The following PGBD2 variants were observed in gnomAD, a reference collection of about 807,000 sequenced individuals.
PGBD2 encodes piggyBac transposable element-derived protein 2.
Under a neutral mutation model 8.1 loss-of-function variants are expected in PGBD2, and 6 were observed. That is an observed-to-expected ratio of 0.74 (90% CI 0.40 to 1.46). PGBD2 has a LOEUF of 1.46. Among genes scored for constraint, PGBD2 ranks in the 40% most tolerant of loss-of-function variants. The pLI is 0.02. For missense variants in PGBD2, 802 were observed against 739.0 expected (o/e 1.09, Z -0.99); for synonymous variants, 318 against 272.2 (o/e 1.17, Z -1.66).
chr1:248,883,464 G>A, the PGBD2 span, among the ~76,000 whole-genome samples: 2 of 151,144 alleles, frequency 1.3e-5, no homozygotes, highest in Non-Finnish European at 2.9e-5. Context: ...TTTGCTTGAT[G>A]ATTTGTTTCA....
At chr1:248,914,364 C>T in intron 2 of PGBD2, 1 of 976,802 alleles carries the variant, frequency 1.0e-6, no homozygotes, top group Non-Finnish European at 1.2e-6. Flanking sequence ...TGCTGTACCC[C>T]TTACTCCAAG....
upstream of PGBD2, chr1:248,906,219 CG>C (rs910060651): frequency 3.3e-5 from 5 of 151,862 alleles, no homozygotes; most frequent in Non-Finnish European, 7.4e-5. Context: ...CGAGGTGCAG[CG>C]AGCCCTCTGG....
At chr1:248,879,551 C>T in the PGBD2 span, among the ~76,000 whole-genome samples, 13 of 152,026 alleles carry the variant, frequency 8.6e-5, no homozygotes, top group African/African-American at 2.4e-4. Flanking sequence ...TGTGCCACTA[C>T]GTATGGCTAA....
At chr1:248,924,939 G>A (rs1662353914), downstream of PGBD2, among the ~76,000 whole-genome samples, 1 of 152,118 alleles carries the variant, frequency 6.6e-6, no homozygotes, top group Non-Finnish European at 1.5e-5. Flanking sequence ...GGGAGCAAAT[G>A]TGACTATAAA....
upstream of PGBD2, among the ~76,000 whole-genome samples, chr1:248,902,306 T>G (rs1207074238): frequency 6.6e-6 from 1 of 151,512 alleles, no homozygotes; most frequent in Non-Finnish European, 1.5e-5. Context: ...TACCATCTCA[T>G]GCCAGTCAGA....
At chr1:248,882,456 T>A in the PGBD2 span, among the ~76,000 whole-genome samples, 1 of 152,176 alleles carries the variant, frequency 6.6e-6, no homozygotes, top group Non-Finnish European at 1.5e-5. Flanking sequence ...AAGATATTAA[T>A]CAGCAGTAAC....
the PGBD2 span, among the ~76,000 whole-genome samples, chr1:248,900,406 G>T: frequency 6.6e-6 from 1 of 152,170 alleles, no homozygotes; most frequent in Non-Finnish European, 1.5e-5. Flanking sequence ...TGATCAAGTT[G>T]TCTTCATCCC....
chr1:248,873,909 C>A, the PGBD2 span, among the ~76,000 whole-genome samples: 1 of 152,212 alleles, frequency 6.6e-6, no homozygotes, highest in Non-Finnish European at 1.5e-5. Flanking sequence ...ACCTTGCCTG[C>A]GGGCTTTCTG....
In PGBD2 at chr1:248,917,551, A is replaced by C. The variant is rs1365185397; in HGVS notation, c.967A>C (p.Ser323Arg). ...CACACTGTTTACCAAGCCAGACAGGAGCTTGGATCTAGGAGGCAGTATGGT... is the reference window on the plus strand; with the variant it reads ...CACACTGTTTACCAAGCCAGACAGGCGCTTGGATCTAGGAGGCAGTATGGT... ...QGTLFTKPDR[S>R]LDLGGSMVIK... is the part of the protein sequence containing the mutation. The change falls in exon 3 of 3, where the codon AGC (serine) becomes CGC (arginine). Residue 323 changes from serine (S) to arginine (R), a missense_variant. Transcript: ENST00000329291. 3 of 1,614,022 alleles carry C rather than the reference A, an allele frequency of 1.9e-6. No individual in the cohort carries two copies. The highest frequency in any genetic ancestry group is 2.5e-6 in the Non-Finnish European group (3 of 1,180,038).
rs761861905 is a variant in PGBD2, at chr1:248,918,382, T to C, written c.*19T>C. ...CCGGTGACATCATGAGACATGCTTC[T>C]TTGGTTTATAATGAGATGTTTACAG... On this transcript the variant is annotated 3_prime_UTR_variant, in exon 3 of 3. Transcript: ENST00000329291. 6.6e-7 allele frequency: 1 copy of C among 1,522,736 alleles called. No individual in the cohort carries two copies. Among genetic ancestry groups the C allele is most frequent in the East Asian group, 2.3e-5 (1 of 44,110 alleles). 94.3% of individuals were successfully genotyped at this position (1,522,736 alleles called of 1,614,324 possible). A position where few individuals can be genotyped will look rare whatever the true frequency, so the allele number is the denominator to read the frequency against.
chr1:248,889,921 T>C, the PGBD2 span, among the ~76,000 whole-genome samples: 1 of 146,716 alleles, frequency 6.8e-6, no homozygotes, highest in Non-Finnish European at 1.5e-5. Context: ...CCTTTTCTTT[T>C]TCTTTTCTTT....
rs956470849 is a variant in PGBD2 at position 248,914,292 on chromosome 1, T to A, written c.17+413T>A. On this transcript the variant is annotated intron_variant, in intron 2 of 2. Coordinates refer to ENST00000329291, the MANE Select transcript of PGBD2 (RefSeq NM_170725.3). ...TCAAGCCTGGTAGAGACCTGGAGCT[T>A]GCAGCCTTGGCTCTGCCCCTGTGAA... The A allele has an allele frequency of 4.9e-6, 3 of 609,984 alleles. No individual in the cohort carries two copies. In the African/African-American group the frequency reaches 6.1e-5, roughly 12 times the overall value. 37.8% of individuals were successfully genotyped at this position (609,984 alleles called of 1,614,324 possible).
At chr1:248,898,788 G>A in the PGBD2 span, among the ~76,000 whole-genome samples, 40 of 152,188 alleles carry the variant, frequency 2.6e-4, no homozygotes, top group African/African-American at 9.2e-4. Flanking sequence ...TGGGCTAAAT[G>A]CTCCAATTAA....
At chr1:248,885,299 T>C in the PGBD2 span, among the ~76,000 whole-genome samples, 1 of 148,408 alleles carries the variant, frequency 6.7e-6, no homozygotes, top group Non-Finnish European at 1.5e-5. Flanking sequence ...GATGTCTGGC[T>C]ACTTTTTAAT....
chr1:248,925,300 G>T, the PGBD2 span, among the ~76,000 whole-genome samples: 4 of 152,212 alleles, frequency 2.6e-5, no homozygotes. Context: ...GCTCAGCTGT[G>T]ACCCCGCACT....
the PGBD2 span, among the ~76,000 whole-genome samples, chr1:248,887,743 T>A: frequency 3.3e-5 from 5 of 152,240 alleles, no homozygotes; most frequent in African/African-American, 9.6e-5. Context: ...GCAAAAGTGA[T>A]TGCGATTTTT....
the PGBD2 span, among the ~76,000 whole-genome samples, chr1:248,875,313 A>C: frequency 1.0e-3 from 154 of 147,140 alleles, 1 homozygote; most frequent in East Asian, 7.8e-3. Context: ...CAAAACAAAA[A>C]AAAAAAAAAA....
chr1:248,927,915 A>C, the PGBD2 span, among the ~76,000 whole-genome samples: 4 of 152,186 alleles, frequency 2.6e-5, no homozygotes, highest in African/African-American at 9.7e-5. Context: ...CATGAACCAA[A>C]ACCAAAGTAA....
chr1:248,876,168 C>G, the PGBD2 span, among the ~76,000 whole-genome samples: 1 of 152,056 alleles, frequency 6.6e-6, no homozygotes. Flanking sequence ...ACCACCATGC[C>G]TGGCTAATTT....
Sources: gnomAD v4.1 joint callset for allele counts (sites outside exome capture counted in the v4.1 genomes callset) on GRCh38, gnomAD v4.1.1 for gene constraint, MANE v1.5 for transcripts, NCBI Gene and HGNC (gene_info 2026-07-23, HGNC 2026-07-21) for gene names.